Variants in GPC5 observed in about 807,000 individuals in gnomAD.
GPC5 encodes the protein glypican 5.
Under a neutral mutation model 53.9 loss-of-function variants are expected in GPC5, and 47 were observed. The observed-to-expected ratio is 0.87, with a 90% CI of 0.69 to 1.11. The LOEUF is 1.11. GPC5 is among the 50% of genes most tolerant of loss of function. GPC5 has a pLI of 0.00. For missense variants in GPC5, 748 were observed against 713.1 expected, an observed-to-expected ratio of 1.05 and a Z score of -0.56; for synonymous variants, 286 against 263.3, an observed-to-expected ratio of 1.09 and a Z score of -0.84.
chr13:91,684,116 C>T (rs116678382), intron 2 of GPC5, among the ~76,000 whole-genome samples: 1,930 of 152,192 alleles, frequency 0.013, 45 homozygotes, highest in African/African-American at 0.043. Context: ...TGGGACACTC[C>T]GTTTTCCTGA....
At chr13:91,567,744 C>T (rs752035002) in intron 2 of GPC5, among the ~76,000 whole-genome samples, 1 of 152,174 alleles carries the variant, frequency 6.6e-6, no homozygotes, top group African/African-American at 2.4e-5. Flanking sequence ...AACTGCAGTC[C>T]TCTCCCAATC....
chr13:91,778,861 C>T (rs1481680537), intron 5 of GPC5, among the ~76,000 whole-genome samples: 1 of 152,228 alleles, frequency 6.6e-6, no homozygotes, highest in Non-Finnish European at 1.5e-5. Context: ...GATGATACAG[C>T]TTCCCACACA....
At chr13:91,973,581 TC>T (rs2040265895) in intron 6 of GPC5, among the ~76,000 whole-genome samples, 1 of 152,188 alleles carries the variant, frequency 6.6e-6, no homozygotes, top group Non-Finnish European at 1.5e-5. Context: ...CTCTGTTTTT[TC>T]CCCATCTTTG....
At position 92,531,542 on chromosome 13, in the gene GPC5, A is replaced by G. The variant is rs1342495370; in HGVS notation, c.1562-334740A>G. ...ATACATATGCATCTTTTTATATATA[A>G]AGATACATACAGTATGTGTCTGTAT... On this transcript the variant is annotated intron_variant, in intron 7 of 7. Transcript: ENST00000377067. 2.0e-5 allele frequency among the ~76,000 whole-genome samples: 3 copies of G among 152,106 alleles called. No homozygotes were observed. The East Asian group carries it at 5.8e-4, about 29-fold the overall frequency.
intron 7 of GPC5, among the ~76,000 whole-genome samples, chr13:92,561,051 C>T (rs535042664): frequency 1.3e-5 from 2 of 151,958 alleles, no homozygotes; most frequent in African/African-American, 4.8e-5. Context: ...GTAATTTGGA[C>T]CACATTTGTG....
At chr13:91,764,668 G>T (rs2037486530) in intron 5 of GPC5, among the ~76,000 whole-genome samples, 1 of 152,136 alleles carries the variant, frequency 6.6e-6, no homozygotes, top group South Asian at 2.1e-4. Flanking sequence ...TTCTGCTTCA[G>T]TCTAAGAGTC....
chr13:92,151,428 A>C (rs1199089634), intron 7 of GPC5, among the ~76,000 whole-genome samples: 1 of 152,108 alleles, frequency 6.6e-6, no homozygotes. Context: ...TTGTATCTCT[A>C]AAATACTCTC....
chr13:92,446,105 T>G (rs1188843589), intron 7 of GPC5, among the ~76,000 whole-genome samples: 1 of 152,144 alleles, frequency 6.6e-6, no homozygotes, highest in African/African-American at 2.4e-5. Flanking sequence ...ACCAATTATA[T>G]TCTTTTAGTT....
intron 7 of GPC5, among the ~76,000 whole-genome samples, chr13:92,398,011 C>A (rs1821992278): frequency 2.0e-5 from 3 of 152,078 alleles, no homozygotes; most frequent in Non-Finnish European, 4.4e-5. Context: ...GATCTGAGTG[C>A]AGGGGGATAG....
intron 5 of GPC5, among the ~76,000 whole-genome samples, chr13:91,815,509 A>G (rs1182273404): frequency 6.6e-6 from 1 of 152,210 alleles, no homozygotes; most frequent in East Asian, 1.9e-4. Context: ...AAAAAATGAT[A>G]TAGACGCTGT....
chr13:91,764,288 G>T (rs1399513210), intron 5 of GPC5, among the ~76,000 whole-genome samples: 1 of 152,156 alleles, frequency 6.6e-6, no homozygotes, highest in Non-Finnish European at 1.5e-5. Context: ...TATGAATGCG[G>T]CAATAATTGC....
intron 5 of GPC5, among the ~76,000 whole-genome samples, chr13:91,851,936 T>A (rs2038918720): frequency 6.7e-6 from 1 of 149,716 alleles, no homozygotes; most frequent in Admixed American, 6.7e-5. Context: ...GTCTTTGCTA[T>A]TGTGAATAAT....
rs533522447 is a variant in GPC5 at position 92,257,169 on chromosome 13, C to T, written c.1561+112180C>T. Among the ~76,000 whole-genome samples, 18 of 152,014 alleles carry T rather than the reference C, an allele frequency of 1.2e-4. No homozygotes were observed. In the South Asian group the frequency reaches 3.5e-3, roughly 30 times the overall value. ...CTTCAGGTAAATTGTTGAAAAGAAC[C>T]GAATCAAAGTCAAATAACTATTTGA... On this transcript the variant is annotated intron_variant, in intron 7 of 7. Coordinates refer to ENST00000377067, the MANE Select transcript of GPC5 (RefSeq NM_004466.6).
At chr13:92,102,153 A>G (rs2041472274) in intron 6 of GPC5, among the ~76,000 whole-genome samples, 1 of 152,218 alleles carries the variant, frequency 6.6e-6, no homozygotes, top group Admixed American at 6.5e-5. Context: ...GGGTGAACTC[A>G]GAAAAATACA....
chr13:91,409,837 G>T (rs1342075320), intron 1 of GPC5, among the ~76,000 whole-genome samples: 1 of 152,072 alleles, frequency 6.6e-6, no homozygotes, highest in Non-Finnish European at 1.5e-5. Context: ...CCAACAGATG[G>T]TTGGTCAACC....
intron 5 of GPC5, among the ~76,000 whole-genome samples, chr13:91,769,110 C>T (rs2037576729): frequency 6.6e-6 from 1 of 152,162 alleles, no homozygotes; most frequent in African/African-American, 2.4e-5. Context: ...GGGAATGCTA[C>T]TAGGCTGGAA....
intron 2 of GPC5, among the ~76,000 whole-genome samples, chr13:91,651,341 A>G (rs1458684599): frequency 2.6e-5 from 4 of 152,214 alleles, no homozygotes; most frequent in Non-Finnish European, 5.9e-5. Context: ...TTAGTTTATT[A>G]ATATTACCCT....
At chr13:92,617,232 C>T (rs1241621800) in intron 7 of GPC5, among the ~76,000 whole-genome samples, 1 of 152,144 alleles carries the variant, frequency 6.6e-6, no homozygotes, top group Non-Finnish European at 1.5e-5. Context: ...TCCGCTGTAA[C>T]GTCTTCTACC....
chr13:92,683,419 T>C (rs770882205), intron 7 of GPC5, among the ~76,000 whole-genome samples: 24 of 152,126 alleles, frequency 1.6e-4, no homozygotes, highest in Admixed American at 9.8e-4. Flanking sequence ...TTTCTCTTTC[T>C]AGATCTCATT....
Sources: gnomAD v4.1 joint callset for allele counts (sites outside exome capture counted in the v4.1 genomes callset) on GRCh38, gnomAD v4.1.1 for gene constraint, MANE v1.5 for transcripts, NCBI Gene and HGNC (gene_info 2026-07-23, HGNC 2026-07-21) for gene names.